The following GRM5 variants were observed in gnomAD, a reference collection of about 807,000 sequenced individuals.
GRM5 encodes metabotropic glutamate receptor 5.
In GRM5, 19 loss-of-function variants were observed where a neutral mutation model predicts 83.1. The ratio of observed to expected loss-of-function variants is 0.23; its 90% confidence interval spans 0.16 to 0.34. The LOEUF (loss-of-function observed/expected upper bound fraction) is 0.34, where lower values mean the gene tolerates loss of function less well. Ranked by LOEUF, GRM5 falls within the 10% of genes least tolerant of loss-of-function variation. The probability of loss-of-function intolerance (pLI) is 1.00; values close to 1 mark genes in which losing one functional copy is unlikely to be tolerated. For missense variants in GRM5, 1,160 were observed against 1,588.3 expected, an observed-to-expected ratio of 0.73 and a Z score of 4.58; for synonymous variants, 675 against 633.6, an observed-to-expected ratio of 1.07 and a Z score of -0.98.
intron 4 of GRM5, 52 bp from the exon 5 acceptor site, chr11:88,605,016 A>G (rs754800320): frequency 1.3e-6 from 2 of 1,485,568 alleles, no homozygotes; most frequent in Non-Finnish European, 1.9e-6. Flanking sequence ...TACTCTCGCG[A>G]CATTCCTGGG....
At chr11:88,910,818 T>A (rs757372544) in intron 2 of GRM5, among the ~76,000 whole-genome samples, 34 of 147,250 alleles carry the variant, frequency 2.3e-4, no homozygotes, top group Non-Finnish European at 4.5e-4. Flanking sequence ...ATGGGCTCAA[T>A]ACTTAAAAAC....
At chr11:88,659,317 C>T (rs576635855) in intron 3 of GRM5, among the ~76,000 whole-genome samples, 52 of 152,210 alleles carry the variant, frequency 3.4e-4, no homozygotes, top group African/African-American at 1.2e-3. Flanking sequence ...TATCTTTATA[C>T]GATCTCTCAC....
At chr11:88,725,478 C>T (rs954824285) in intron 3 of GRM5, among the ~76,000 whole-genome samples, 7 of 152,166 alleles carry the variant, frequency 4.6e-5, no homozygotes, top group African/African-American at 9.7e-5. Context: ...CTTAAATGTT[C>T]CTGGCTGCCA....
At chr11:88,685,583 A>C (rs1940601374) in intron 3 of GRM5, among the ~76,000 whole-genome samples, 1 of 152,202 alleles carries the variant, frequency 6.6e-6, no homozygotes, top group African/African-American at 2.4e-5. Context: ...TCTTCATGGC[A>C]GGCCCTCCCA....
At chr11:88,877,164 G>A (rs1944869060) in intron 2 of GRM5, among the ~76,000 whole-genome samples, 1 of 152,070 alleles carries the variant, frequency 6.6e-6, no homozygotes, top group Admixed American at 6.6e-5. Flanking sequence ...ACAGTAGTGT[G>A]ACTATAGCCA....
chr11:88,592,507 G>A (rs1347810977), intron 6 of GRM5, among the ~76,000 whole-genome samples: 1 of 152,136 alleles, frequency 6.6e-6, no homozygotes, highest in Non-Finnish European at 1.5e-5. Flanking sequence ...GCAGGGATTA[G>A]CAAATAAAAG....
At chr11:88,520,281 A>G (rs1941645929) in intron 9 of GRM5, among the ~76,000 whole-genome samples, 1 of 152,116 alleles carries the variant, frequency 6.6e-6, no homozygotes, top group African/African-American at 2.4e-5. Context: ...GATTTTGGAG[A>G]TAAATAAAGT....
intron 2 of GRM5, among the ~76,000 whole-genome samples, chr11:88,876,715 G>C (rs1944859307): frequency 6.6e-6 from 1 of 152,070 alleles, no homozygotes; most frequent in African/African-American, 2.4e-5. Flanking sequence ...TCTGACAACA[G>C]GGAAGCCCCA....
intron 2 of GRM5, among the ~76,000 whole-genome samples, chr11:88,952,892 T>A (rs957382758): frequency 2.6e-5 from 4 of 152,154 alleles, no homozygotes; most frequent in African/African-American, 9.7e-5. Context: ...AAACATCTTC[T>A]AAAAGGAATA....
intron 8 of GRM5, among the ~76,000 whole-genome samples, chr11:88,537,488 A>T (rs1214436258): frequency 6.6e-6 from 1 of 152,208 alleles, no homozygotes; most frequent in Non-Finnish European, 1.5e-5. Flanking sequence ...TTACAAAGAG[A>T]GCTGAAGGAA....
chr11:88,994,662 T>C (rs1940119545), intron 2 of GRM5, among the ~76,000 whole-genome samples: 1 of 150,386 alleles, frequency 6.6e-6, no homozygotes, highest in South Asian at 2.1e-4. Context: ...CTGGGATGAT[T>C]TGGATTTAAC....
intron 3 of GRM5, among the ~76,000 whole-genome samples, chr11:88,704,196 G>T (rs562747359): frequency 1.3e-5 from 2 of 152,056 alleles, no homozygotes; most frequent in Non-Finnish European, 2.9e-5. Flanking sequence ...TCTTCCAAAA[G>T]CCCACCTCCA....
At chr11:88,810,746 T>C (rs1943574757) in intron 3 of GRM5, among the ~76,000 whole-genome samples, 1 of 152,148 alleles carries the variant, frequency 6.6e-6, no homozygotes, top group Non-Finnish European at 1.5e-5. Context: ...AATATGTATG[T>C]CAGTATGAAG....
intron 2 of GRM5, among the ~76,000 whole-genome samples, chr11:88,981,795 T>A (rs902269537): frequency 6.6e-6 from 1 of 152,174 alleles, no homozygotes; most frequent in African/African-American, 2.4e-5. Flanking sequence ...ACTTTCTTCA[T>A]CTGAAGAATT....
chr11:88,827,869 A>G (rs150128389), intron 3 of GRM5, among the ~76,000 whole-genome samples: 110 of 152,346 alleles, frequency 7.2e-4, no homozygotes, highest in Middle Eastern at 3.4e-3. Context: ...TTTGTAGCAA[A>G]TGTGCTACAT....
At chr11:88,773,711 C>A (rs1324839247) in intron 3 of GRM5, among the ~76,000 whole-genome samples, 1 of 152,152 alleles carries the variant, frequency 6.6e-6, no homozygotes, top group Non-Finnish European at 1.5e-5. Context: ...AATAGGGAAT[C>A]CTTTCCCCAT....
chr11:88,942,520 C>T lies in GRM5; in HGVS notation c.662-92365G>A, dbSNP rs1231504402. Among the ~76,000 whole-genome samples, 12 of 152,010 alleles carry T rather than the reference C, an allele frequency of 7.9e-5. No individual in the cohort carries two copies. In the South Asian group the frequency reaches 2.5e-3, roughly 31 times the overall value. ...TGCAGTGGGGACTGGCTTCCTGCTT[C>T]CTGCCAACACCAGTTTCTAGTCTGA... On this transcript the variant is annotated intron_variant, in intron 2 of 9. Transcript: ENST00000305447.
chr11:88,523,535 G>A (rs11020194), intron 9 of GRM5, among the ~76,000 whole-genome samples: 3,551 of 152,216 alleles, frequency 0.023, 214 homozygotes, highest in East Asian at 0.2. Context: ...GATCCTCTGA[G>A]ACTCATTTTG....
chr11:88,601,871 G>T (rs1432995026), intron 5 of GRM5, among the ~76,000 whole-genome samples: 1 of 152,130 alleles, frequency 6.6e-6, no homozygotes, highest in African/African-American at 2.4e-5. Flanking sequence ...TGCCATTGTG[G>T]TGTACAAGCA....
Sources: allele counts gnomAD v4.1 joint callset (sites outside exome capture counted in the v4.1 genomes callset), GRCh38; gene constraint gnomAD v4.1.1; transcripts MANE v1.5; gene names NCBI Gene and HGNC (gene_info 2026-07-23, HGNC 2026-07-21).